The following SULT1C3 variants were observed in gnomAD, a reference collection of about 807,000 sequenced individuals.
The protein encoded by SULT1C3 is sulfotransferase 1C3.
In SULT1C3, 31 loss-of-function variants were observed where a neutral mutation model predicts 28.4. The observed-to-expected ratio is 1.09, with a 90% CI of 0.82 to 1.47. The LOEUF (loss-of-function observed/expected upper bound fraction) is 1.47. SULT1C3 is among the 40% of genes most tolerant of loss of function. SULT1C3 has a pLI of 0.00. For synonymous variants in SULT1C3, 106 were observed against 92.2 expected (o/e 1.15, Z -0.86); for missense variants, 307 against 272.5 (o/e 1.13, Z -0.89).
chr2:108,256,282 G>C (rs922046785), intron 5 of SULT1C3, among the ~76,000 whole-genome samples: 1 of 152,018 alleles, frequency 6.6e-6, no homozygotes, highest in Admixed American at 6.6e-5. Flanking sequence ...ATTTGACCAG[G>C]TGTCAAATCA....
intron 1 of SULT1C3, among the ~76,000 whole-genome samples, chr2:108,243,000 C>T (rs1448950422): frequency 6.6e-6 from 1 of 152,052 alleles, no homozygotes; most frequent in Non-Finnish European, 1.5e-5. Context: ...CTTTTAAATC[C>T]CTTTTTACTC....
At chr2:108,254,179 T>C (rs1362644298) in intron 4 of SULT1C3, among the ~76,000 whole-genome samples, 1 of 152,032 alleles carries the variant, frequency 6.6e-6, no homozygotes, top group Non-Finnish European at 1.5e-5. Context: ...ATGACTTCCA[T>C]GCCCTTGACA....
At chr2:108,254,747 A>ATGTATGTATG (rs1558664858) in intron 4 of SULT1C3, among the ~76,000 whole-genome samples, 1 of 122,476 alleles carries the variant, frequency 8.2e-6, no homozygotes, top group African/African-American at 4.0e-5. Context: ...ATGTATGCAT[A>ATGTATGTATG]CATATGTATG....
intron 3 of SULT1C3, 25 bp from the exon 4 acceptor site, chr2:108,253,320 A>G: frequency 6.9e-7 from 1 of 1,447,230 alleles, no homozygotes; most frequent in South Asian, 1.5e-5. Context: ...AGAATAAACA[A>G]AGAATATAAA....
intron 4 of SULT1C3, among the ~76,000 whole-genome samples, chr2:108,254,702 T>C (rs1165735185): frequency 6.6e-6 from 1 of 151,264 alleles, no homozygotes; most frequent in African/African-American, 2.4e-5. Flanking sequence ...TGTGTGTGTG[T>C]ATATATATAT....
intron 5 of SULT1C3, among the ~76,000 whole-genome samples, chr2:108,256,742 G>A (rs1188458425): frequency 6.6e-6 from 1 of 152,008 alleles, no homozygotes; most frequent in East Asian, 1.9e-4. Context: ...AATAAAAACA[G>A]ATATCTGTGG....
chr2:108,241,191 G>A lies in SULT1C3; in HGVS notation c.-8+1108G>A, dbSNP rs571766287. On this transcript the variant is annotated intron_variant, in intron 1 of 7. Coordinates refer to ENST00000681802, the MANE Select transcript of SULT1C3 (RefSeq NM_001320878.2). ...AGGCTTTATTGGCTCTGCGTGTCAC[G>A]CTTGATTCCTCAAAGGGAAACACAC... is the stretch of plus-strand genomic sequence containing the variant. Among the ~76,000 whole-genome samples, 23 of 152,334 alleles carry A rather than the reference G, an allele frequency of 1.5e-4. No individual in the cohort carries two copies. The South Asian group carries it at 4.3e-3, about 29-fold the overall frequency.
At chr2:108,261,805 T>C (rs908098754), downstream of SULT1C3, among the ~76,000 whole-genome samples, 1 of 152,152 alleles carries the variant, frequency 6.6e-6, no homozygotes, top group Non-Finnish European at 1.5e-5. Context: ...TACCTTATCG[T>C]AGTGACAAGG....
chr2:108,257,974 G>A (rs1675919472), intron 5 of SULT1C3, among the ~76,000 whole-genome samples: 1 of 152,034 alleles, frequency 6.6e-6, no homozygotes, highest in African/African-American at 2.4e-5. Flanking sequence ...ATTCAAAAGA[G>A]AGCATTTCAC....
At chr2:108,252,143 T>C (rs940179388) in intron 2 of SULT1C3, among the ~76,000 whole-genome samples, 3 of 136,616 alleles carry the variant, frequency 2.2e-5, no homozygotes, top group African/African-American at 8.1e-5. Flanking sequence ...AAACAGATGA[T>C]AGATTAGATA....
intron 1 of SULT1C3, among the ~76,000 whole-genome samples, chr2:108,242,841 A>C (rs887058614): frequency 1.3e-5 from 2 of 152,112 alleles, no homozygotes; most frequent in Non-Finnish European, 2.9e-5. Flanking sequence ...TGGGCCTCTC[A>C]TGCATGCATT....
intron 4 of SULT1C3, among the ~76,000 whole-genome samples, chr2:108,254,575 A>T (rs878859064): frequency 1.7e-4 from 26 of 151,824 alleles, no homozygotes; most frequent in Admixed American, 2.6e-4. Flanking sequence ...CAAGGTAAAC[A>T]GTGTCTGGCA....
At chr2:108,263,559 A>T (rs566960262), downstream of SULT1C3, among the ~76,000 whole-genome samples, 1 of 152,194 alleles carries the variant, frequency 6.6e-6, no homozygotes, top group Non-Finnish European at 1.5e-5. Flanking sequence ...GTTATGGGAC[A>T]CTGAATGCAG....
intron 1 of SULT1C3, among the ~76,000 whole-genome samples, chr2:108,241,159 C>T (rs1177194221): frequency 6.6e-6 from 1 of 152,112 alleles, no homozygotes; most frequent in Admixed American, 6.5e-5. Context: ...GGCCAGCTCT[C>T]CCCAAGAGGC....
intron 1 of SULT1C3, among the ~76,000 whole-genome samples, chr2:108,240,990 C>T (rs749962525): frequency 2.0e-5 from 3 of 152,176 alleles, no homozygotes; most frequent in Non-Finnish European, 4.4e-5. Flanking sequence ...CATTTAAAGC[C>T]GAGCCCAGCC....
intron 2 of SULT1C3, among the ~76,000 whole-genome samples, chr2:108,251,411 A>G (rs1015980852): frequency 6.6e-6 from 1 of 152,034 alleles, no homozygotes; most frequent in Non-Finnish European, 1.5e-5. Flanking sequence ...AAATGGAAAT[A>G]TGGGCCTTTA....
intron 1 of SULT1C3, among the ~76,000 whole-genome samples, chr2:108,241,049 A>G (rs2123694): frequency 0.25 from 37,890 of 152,042 alleles, 5,543 homozygotes; most frequent in East Asian, 0.7. Flanking sequence ...TTGAGTTCCC[A>G]AGATCAACAT....
intron 4 of SULT1C3, 48 bp from the exon 5 acceptor site, chr2:108,255,524 T>G: frequency 6.3e-7 from 1 of 1,595,048 alleles, no homozygotes; most frequent in Non-Finnish European, 8.5e-7. Context: ...GTATTTCATG[T>G]CAGTCTATTT....
chr2:108,254,719 ATATATATG>A (rs1403089350), intron 4 of SULT1C3, among the ~76,000 whole-genome samples: 1 of 149,410 alleles, frequency 6.7e-6, no homozygotes, highest in Non-Finnish European at 1.5e-5. Context: ...ATATGTATGT[ATATATATG>A]TATATATGTA....
Sources: gnomAD v4.1 joint callset for allele counts (sites outside exome capture counted in the v4.1 genomes callset) on GRCh38, gnomAD v4.1.1 for gene constraint, MANE v1.5 for transcripts, NCBI Gene and HGNC (gene_info 2026-07-23, HGNC 2026-07-21) for gene names.